KCNAB2: variants seen among roughly 807,000 people sequenced by gnomAD.
KCNAB2 encodes voltage-gated potassium channel subunit beta-2.
Under a neutral mutation model 63.6 loss-of-function variants are expected in KCNAB2, and 29 were observed. That is an observed-to-expected ratio of 0.46 (90% CI 0.34 to 0.62). The LOEUF (loss-of-function observed/expected upper bound fraction) is 0.62. Ranked by LOEUF, KCNAB2 falls within the 20% of genes least tolerant of loss-of-function variation. KCNAB2 has a pLI of 0.01. For missense variants in KCNAB2, 359 were observed against 563.9 expected (o/e 0.64, Z 3.68); for synonymous variants, 222 against 224.2 (o/e 0.99, Z 0.09).
At position 6,086,309 on chromosome 1, in the gene KCNAB2, C is replaced by T; in HGVS notation, c.425+1061C>T. ...TCCCATCAAATTTGTTTTTTGGCAA[C>T]TCTGATCCCAAAACAAATTCCTCCT... On this transcript the variant is annotated intron_variant, in intron 6 of 15. Coordinates refer to ENST00000378083, the MANE Select transcript of KCNAB2 (RefSeq NM_001199862.2). This position sits in a 1 kb window ranked among gnomAD's most constrained non-coding sequence, Gnocchi z 4.2. The T allele has an allele frequency of 2.0e-6, 2 of 984,174 alleles. No homozygotes were observed. Among genetic ancestry groups the T allele is most frequent in the Non-Finnish European group, 2.4e-6 (2 of 829,744 alleles). 61.0% of individuals were successfully genotyped at this position (984,174 alleles called of 1,614,324 possible). A position where few individuals can be genotyped will look rare whatever the true frequency, so the allele number is the denominator to read the frequency against.
intron 1 of KCNAB2, among the ~76,000 whole-genome samples, chr1:6,021,212 G>A (rs1455261473): frequency 6.6e-6 from 1 of 152,094 alleles, no homozygotes; most frequent in African/African-American, 2.4e-5. Flanking sequence ...TGCCCAGGCT[G>A]GTCTTAAGTT....
intron 1 of KCNAB2, among the ~76,000 whole-genome samples, chr1:6,008,586 G>A (rs1223361832): frequency 7.4e-5 from 11 of 148,198 alleles, no homozygotes; most frequent in South Asian, 2.1e-4. Context: ...AGATTGCACC[G>A]CTGCACTCCA....
chr1:6,038,202 C>T (rs1660211537), intron 1 of KCNAB2, among the ~76,000 whole-genome samples: 1 of 151,978 alleles, frequency 6.6e-6, no homozygotes, highest in African/African-American at 2.4e-5. Context: ...AAGAATAAAA[C>T]TCCAGGGGAT....
At chr1:6,010,681 T>C (rs541505313) in intron 1 of KCNAB2, among the ~76,000 whole-genome samples, 1 of 152,272 alleles carries the variant, frequency 6.6e-6, no homozygotes, top group Admixed American at 6.5e-5. Context: ...CCTGCTCAGG[T>C]GAACACAGGA....
In KCNAB2 at chr1:6,063,225, A is replaced by G. The variant is rs182790061; in HGVS notation, c.219-9530A>G. Among the ~76,000 whole-genome samples the G allele has an allele frequency of 7.9e-4, 120 of 151,782 alleles. 1 individual carries two copies. Among genetic ancestry groups the G allele is most frequent in the African/African-American group, 2.9e-3 (120 of 41,380 alleles). Reference sequence around the variant, plus strand: ...TTTTTAATAGAGACGGGGTTTCGCCATGTTGGCCAGGCTGGTCTCAAACTC... The same window carrying G: ...TTTTTAATAGAGACGGGGTTTCGCCGTGTTGGCCAGGCTGGTCTCAAACTC... On this transcript the variant is annotated intron_variant, in intron 2 of 15. Coordinates refer to ENST00000378083, the MANE Select transcript of KCNAB2 (RefSeq NM_001199862.2).
chr1:6,064,840 G>C (rs1662607703), intron 2 of KCNAB2, among the ~76,000 whole-genome samples: 1 of 152,224 alleles, frequency 6.6e-6, no homozygotes, highest in Non-Finnish European at 1.5e-5. Context: ...CTTGGGATCA[G>C]AGGGCAGAGC....
At chr1:6,077,236 A>T (rs1571041889) in intron 4 of KCNAB2, among the ~76,000 whole-genome samples, 1 of 152,206 alleles carries the variant, frequency 6.6e-6, no homozygotes, top group Non-Finnish European at 1.5e-5. Context: ...AAGGCCCGTG[A>T]CAGCCAATGG....
intron 1 of KCNAB2, among the ~76,000 whole-genome samples, chr1:6,010,068 G>A (rs972277387): frequency 1.3e-5 from 2 of 151,932 alleles, no homozygotes; most frequent in African/African-American, 2.4e-5. Context: ...AAGGGGTTTC[G>A]GTTTCACCAC....
At chr1:6,031,445 AGAT>A (rs1288051192), upstream of KCNAB2, among the ~76,000 whole-genome samples, 1 of 152,262 alleles carries the variant, frequency 6.6e-6, no homozygotes, top group Non-Finnish European at 1.5e-5. The surrounding 1 kb of genome is among the most constrained non-coding windows in gnomAD (Gnocchi z 4.1). Context: ...CCCATTCTGC[AGAT>A]GAGAAAACTG....
chr1:6,058,481 G>C (rs116570227), intron 2 of KCNAB2, among the ~76,000 whole-genome samples: 1 of 152,172 alleles, frequency 6.6e-6, no homozygotes, highest in South Asian at 2.1e-4. Context: ...AGTGGAGACC[G>C]GGGTCACTAC....
intron 1 of KCNAB2, among the ~76,000 whole-genome samples, chr1:6,009,386 T>C (rs1658014123): frequency 1.3e-5 from 2 of 152,154 alleles, no homozygotes; most frequent in South Asian, 2.1e-4. Flanking sequence ...GGCCCGGTGG[T>C]GTCCGTGTGC....
At chr1:6,098,422 T>C in intron 15 of KCNAB2, 63 bp from the exon 16 acceptor site, 1 of 1,600,278 alleles carries the variant, frequency 6.2e-7, no homozygotes, top group African/African-American at 1.3e-5. Flanking sequence ...TGGCCCCACC[T>C]CCTCCCCAGG....
At position 6,100,232 on chromosome 1, in the gene KCNAB2, G is replaced by A. The variant is rs1665942577; in HGVS notation, c.*1658G>A. The A allele has an allele frequency of 2.6e-6, 2 of 778,240 alleles. No individual in the cohort carries two copies. The highest frequency in any genetic ancestry group is 3.0e-5 in the East Asian group (1 of 33,400). 48.2% of individuals were successfully genotyped at this position (778,240 alleles called of 1,614,324 possible). A position where few individuals can be genotyped will look rare whatever the true frequency, so the allele number is the denominator to read the frequency against. On this transcript the variant is annotated 3_prime_UTR_variant, in exon 16 of 16. Transcript: ENST00000378083. Reference sequence around the variant, plus strand: ...AGAGGCTGGGGCGAGGGGAGGAGGGGGATCAGCTTCTGCTATTACCGACCC... The same window carrying A: ...AGAGGCTGGGGCGAGGGGAGGAGGGAGATCAGCTTCTGCTATTACCGACCC...
At chr1:6,018,345 G>A (rs148489402) in intron 1 of KCNAB2, among the ~76,000 whole-genome samples, 300 of 152,262 alleles carry the variant, frequency 2.0e-3, no homozygotes, top group African/African-American at 6.5e-3. Flanking sequence ...AAGCAGCCCC[G>A]GGCAATATGT....
intron 1 of KCNAB2, among the ~76,000 whole-genome samples, chr1:6,017,055 C>G (rs569819532): frequency 6.6e-6 from 1 of 152,092 alleles, no homozygotes; most frequent in Non-Finnish European, 1.5e-5. Context: ...GAGACAGTGC[C>G]GAGCTCCGTA....
Position 6,101,053 on chromosome 1 carries a change from G to C in KCNAB2, c.*2479G>C, listed in dbSNP as rs1665999569. The C allele has an allele frequency of 2.0e-5, 3 of 152,198 alleles. 1 individual carries two copies. The South Asian group carries it at 6.2e-4, about 32-fold the overall frequency. 9.4% of individuals were successfully genotyped at this position (152,198 alleles called of 1,614,324 possible). On this transcript the variant is annotated 3_prime_UTR_variant, in exon 16 of 16. Coordinates refer to ENST00000378083, the MANE Select transcript of KCNAB2 (RefSeq NM_001199862.2). ...AGTCTTTTTTTTTAAACCTACCGTG[G>C]TTCCTCAGCTAACTGCATTCCCTAC...
intron 4 of KCNAB2, among the ~76,000 whole-genome samples, chr1:6,077,904 T>A (rs961032737): frequency 1.3e-5 from 2 of 152,236 alleles, no homozygotes; most frequent in Non-Finnish European, 2.9e-5. Flanking sequence ...GCGAGCTGCC[T>A]GTGGCTGCTG....
At chr1:6,030,884 G>T, upstream of KCNAB2, among the ~76,000 whole-genome samples, 1 of 148,704 alleles carries the variant, frequency 6.7e-6, no homozygotes, top group Non-Finnish European at 1.5e-5. Flanking sequence ...GTGTATGTAT[G>T]TGTAGGTGTG....
Position 6,046,173 on chromosome 1 carries a change from C to T in KCNAB2, c.-37C>T. The T allele has an allele frequency of 1.0e-6, 1 of 985,432 alleles. No individual in the cohort carries two copies. The highest frequency in any genetic ancestry group is 4.7e-5 in the South Asian group (1 of 21,290). 61.0% of individuals were successfully genotyped at this position (985,432 alleles called of 1,614,324 possible). On this transcript the variant is annotated 5_prime_UTR_variant, in exon 1 of 16. Transcript: ENST00000378083. ...GGCCTTTTTAACGAGCAGACGCCCC[C>T]ACGAAGGCAGGTGAGTCCTCCCTTC...
Sources: gnomAD v4.1 joint callset for allele counts (sites outside exome capture counted in the v4.1 genomes callset) on GRCh38, gnomAD v4.1.1 for gene constraint, Gnocchi (gnomAD v3.1) non-coding constraint, MANE v1.5 for transcripts, NCBI Gene and HGNC (gene_info 2026-07-23, HGNC 2026-07-21) for gene names.